The following DSCAML1 variants were observed in gnomAD, a reference collection of about 807,000 sequenced individuals.
DSCAML1 encodes cell adhesion molecule DSCAML1.
DSCAML1 carries 38 observed loss-of-function variants against 200.5 expected under a neutral mutation model. The observed-to-expected ratio is 0.19, with a 90% CI of 0.15 to 0.25. The LOEUF (loss-of-function observed/expected upper bound fraction) is 0.25, where lower values mean the gene tolerates loss of function less well. Among genes scored for constraint, DSCAML1 ranks in the 10% least tolerant of loss-of-function variants. DSCAML1 has a pLI of 1.00. For missense variants in DSCAML1, 2,223 were observed against 2,858.8 expected (o/e 0.78, Z 5.07); for synonymous variants, 1,215 against 1,165.0 (o/e 1.04, Z -0.87).
chr11:117,559,493 T>C (rs1039027106), intron 3 of DSCAML1, among the ~76,000 whole-genome samples: 1 of 152,250 alleles, frequency 6.6e-6, no homozygotes, highest in Admixed American at 6.5e-5. Context: ...GCACTATGTA[T>C]GGATTTATGA....
chr11:117,591,865 C>T lies in DSCAML1; in HGVS notation c.512-59343G>A, dbSNP rs115170743. Among the ~76,000 whole-genome samples, 448 of 152,304 alleles carry T rather than the reference C, an allele frequency of 2.9e-3. 4 individuals are homozygous for T. The highest frequency in any genetic ancestry group is 0.01 in the African/African-American group (429 of 41,556). On this transcript the variant is annotated intron_variant, in intron 3 of 32. Transcript: ENST00000651296. ...TCCCCAGGTGCATCCCGGCCCCTCA[C>T]CAGGTCAGCCCAGGCTCTACAGGCA... is the stretch of plus-strand genomic sequence containing the variant.
At position 117,590,620 on chromosome 11, in the gene DSCAML1, G is replaced by A. The variant is rs141829940; in HGVS notation, c.512-58098C>T. 1.8e-3 allele frequency among the ~76,000 whole-genome samples: 276 copies of A among 152,296 alleles called. 2 individuals are homozygous for A. The highest frequency in any genetic ancestry group is 6.1e-3 in the African/African-American group (255 of 41,558). On this transcript the variant is annotated intron_variant, in intron 3 of 32. Coordinates refer to ENST00000651296, the MANE Select transcript of DSCAML1 (RefSeq NM_020693.4). ...CAGGTCCCTGCTGTCATCTCGAGAT[G>A]GAGCACAGGACTGAGGCCAGAATAT...
At chr11:117,617,881 A>G (rs566934835) in intron 3 of DSCAML1, among the ~76,000 whole-genome samples, 2 of 152,306 alleles carry the variant, frequency 1.3e-5, no homozygotes, top group Non-Finnish European at 2.9e-5. Flanking sequence ...AGGGGTCGGC[A>G]GGGCCAGGTC....
intron 17 of DSCAML1, among the ~76,000 whole-genome samples, chr11:117,462,234 A>G (rs1424539982): frequency 6.6e-6 from 1 of 152,194 alleles, no homozygotes; most frequent in Admixed American, 6.5e-5. Context: ...AAACACACCA[A>G]AAGGCTTGGT....
intron 3 of DSCAML1, among the ~76,000 whole-genome samples, chr11:117,718,668 A>AACCCC (rs1491277934): frequency 1.2e-4 from 3 of 25,780 alleles, no homozygotes; most frequent in Non-Finnish European, 1.9e-4. Flanking sequence ...AATACTCAAA[A>AACCCC]CCCCCCCCCC....
intron 3 of DSCAML1, among the ~76,000 whole-genome samples, chr11:117,655,595 C>A (rs893959573): frequency 3.9e-5 from 6 of 152,164 alleles, no homozygotes; most frequent in African/African-American, 1.4e-4. Flanking sequence ...ATCAGGAGCT[C>A]CCCAGTGCCA....
At chr11:117,814,273 C>T (rs906729733) in intron 1 of DSCAML1, among the ~76,000 whole-genome samples, 1 of 152,208 alleles carries the variant, frequency 6.6e-6, no homozygotes, top group Non-Finnish European at 1.5e-5. Flanking sequence ...GTGAAATAAA[C>T]AGCCATGTTG....
intron 32 of DSCAML1, among the ~76,000 whole-genome samples, chr11:117,430,271 G>A (rs1326709013): frequency 2.6e-5 from 4 of 152,162 alleles, no homozygotes; most frequent in Non-Finnish European, 5.9e-5. Flanking sequence ...GTTTGGGTCT[G>A]GATTAAATTC....
At chr11:117,790,949 T>C (rs1031096323) in intron 1 of DSCAML1, among the ~76,000 whole-genome samples, 4 of 152,200 alleles carry the variant, frequency 2.6e-5, no homozygotes, top group Admixed American at 2.6e-4. Flanking sequence ...AGCATTTGAA[T>C]AATTGTTGTT....
intron 3 of DSCAML1, among the ~76,000 whole-genome samples, chr11:117,743,312 T>C (rs1364518399): frequency 6.6e-6 from 1 of 152,122 alleles, no homozygotes; most frequent in Non-Finnish European, 1.5e-5. Flanking sequence ...GTTCCTGGAT[T>C]GGGGCCAGTC....
chr11:117,746,627 C>G (rs866794269), intron 3 of DSCAML1, among the ~76,000 whole-genome samples: 28 of 152,312 alleles, frequency 1.8e-4, no homozygotes, highest in Middle Eastern at 3.4e-3. Flanking sequence ...CCTCAGACCC[C>G]TAGCAGCTGC....
chr11:117,554,709 C>G (rs1377186976), intron 3 of DSCAML1, among the ~76,000 whole-genome samples: 2 of 152,120 alleles, frequency 1.3e-5, no homozygotes, highest in Non-Finnish European at 2.9e-5. Flanking sequence ...GTCCTGCCTC[C>G]TTTTTTCCTG....
At chr11:117,461,654 A>G (rs1219842915) in intron 17 of DSCAML1, 58 bp from the exon 18 acceptor site, 3 of 1,547,320 alleles carry the variant, frequency 1.9e-6, no homozygotes, top group Admixed American at 3.4e-5. Flanking sequence ...GAGTGACAGT[A>G]CAGCAATTGT....
chr11:117,694,630 A>C lies in DSCAML1; in HGVS notation c.511+82161T>G, dbSNP rs150935200. Among the ~76,000 whole-genome samples the C allele has an allele frequency of 2.0e-3, 305 of 152,216 alleles. 1 individual carries two copies. Among genetic ancestry groups the C allele is most frequent in the African/African-American group, 7.0e-3 (292 of 41,530 alleles). On this transcript the variant is annotated intron_variant, in intron 3 of 32. Transcript: ENST00000651296. ...GAGGTGAGAAAAGCTAGGTCTCTGG[A>C]CCATCTAGCCAAGGAGGTGTACACT...
intron 11 of DSCAML1, among the ~76,000 whole-genome samples, chr11:117,497,105 C>G (rs1344652767): frequency 1.3e-5 from 2 of 152,122 alleles, no homozygotes; most frequent in Non-Finnish European, 2.9e-5. Context: ...CCTCGAGTCT[C>G]CACTGGCACA....
rs78194817 is a variant in DSCAML1 at position 117,596,698 on chromosome 11, T to C, written c.512-64176A>G. Among the ~76,000 whole-genome samples, 355 of 152,314 alleles carry C rather than the reference T, an allele frequency of 2.3e-3. 2 individuals are homozygous for C. Among genetic ancestry groups the C allele is most frequent in the African/African-American group, 8.1e-3 (338 of 41,566 alleles). On this transcript the variant is annotated intron_variant, in intron 3 of 32. Coordinates refer to ENST00000651296, the MANE Select transcript of DSCAML1 (RefSeq NM_020693.4). The stretch of plus-strand genomic sequence containing the variant: ...AGACAGGGATACAGGGAAAAAGTAG[T>C]GAAAAGGAGCAATGCAGGTATTTTG...
chr11:117,651,392 C>A (rs1411931958), intron 3 of DSCAML1, among the ~76,000 whole-genome samples: 1 of 152,208 alleles, frequency 6.6e-6, no homozygotes, highest in Non-Finnish European at 1.5e-5. Context: ...CTGGCTACAT[C>A]TCCAGCAAAT....
At chr11:117,794,613 T>C (rs1284527661) in intron 1 of DSCAML1, among the ~76,000 whole-genome samples, 1 of 152,064 alleles carries the variant, frequency 6.6e-6, no homozygotes, top group Non-Finnish European at 1.5e-5. Context: ...AAGAGGATAT[T>C]GTTTTCTGTA....
At chr11:117,807,674 C>T (rs984661586) in intron 1 of DSCAML1, among the ~76,000 whole-genome samples, 1 of 152,168 alleles carries the variant, frequency 6.6e-6, no homozygotes, top group Non-Finnish European at 1.5e-5. Context: ...GCAGGTGTCG[C>T]CCAAAGACTG....
Sources: allele counts gnomAD v4.1 joint callset (sites outside exome capture counted in the v4.1 genomes callset), GRCh38; gene constraint gnomAD v4.1.1; transcripts MANE v1.5; gene names NCBI Gene and HGNC (gene_info 2026-07-23, HGNC 2026-07-21).